UGT1A9: variants seen among roughly 807,000 people sequenced by gnomAD.
UGT1A9 encodes the protein UDP glucuronosyltransferase family 1 member A9.
UGT1A9 carries 35 observed loss-of-function variants against 45.0 expected under a neutral mutation model. The observed-to-expected ratio is 0.78, with a 90% CI of 0.59 to 1.03. UGT1A9 has a LOEUF of 1.03. Ranked by LOEUF, UGT1A9 falls within the 50% of genes least tolerant of loss-of-function variation. UGT1A9 has a pLI of 0.00. For synonymous variants in UGT1A9, 278 were observed against 250.6 expected (o/e 1.11, Z -1.03); for missense variants, 687 against 666.6 (o/e 1.03, Z -0.34).
At chr2:233,760,585 T>A (rs2125986328) in intron 1 of UGT1A9, 2 of 1,614,208 alleles carry the variant, frequency 1.2e-6, no homozygotes, top group Non-Finnish European at 8.5e-7. Flanking sequence ...GCATAATGTT[T>A]TTGAGAATGA....
At chr2:233,753,221 CTTCTTGTAT>C (rs979493311) in intron 1 of UGT1A9, 4 of 152,156 alleles carry the variant, frequency 2.6e-5, no homozygotes, top group African/African-American at 9.7e-5. Flanking sequence ...TATTTTGATA[CTTCTTGTAT>C]AGTTATTATT....
At chr2:233,697,865 T>C (rs944784384) in intron 1 of UGT1A9, among the ~76,000 whole-genome samples, 24 of 152,350 alleles carry the variant, frequency 1.6e-4, no homozygotes, top group African/African-American at 5.8e-4. Flanking sequence ...TATGCATTTA[T>C]TTAATGATTT....
rs145878694 is a variant in UGT1A9, at chr2:233,769,172, G to A, written c.1295+733G>A. On this transcript the variant is annotated intron_variant, in intron 4 of 4. Transcript: ENST00000354728. The surrounding 1 kb of genome is among the most constrained non-coding windows in gnomAD (Gnocchi z 4.4). ...GAACCTGTGAGAAATTTTGTCCATG[G>A]AGTTTATGAATGAAGGAGCTATAAG... Among the ~76,000 whole-genome samples the A allele has an allele frequency of 2.1e-4, 32 of 152,304 alleles. No homozygotes were observed. The East Asian group carries it at 5.0e-3, about 24-fold the overall frequency.
At chr2:233,747,632 C>T in intron 1 of UGT1A9, 1 of 1,580,404 alleles carries the variant, frequency 6.3e-7, no homozygotes, top group Non-Finnish European at 8.7e-7. Flanking sequence ...TGATCAGGCA[C>T]CTGAATGCTA....
intron 1 of UGT1A9, chr2:233,743,054 C>T (rs1031836290): frequency 1.9e-5 from 6 of 321,426 alleles, no homozygotes; most frequent in South Asian, 8.2e-5. Context: ...GTAGTCCCAA[C>T]GATAAGAACA....
chr2:233,699,358 T>C (rs184232584), intron 1 of UGT1A9, among the ~76,000 whole-genome samples: 40 of 152,340 alleles, frequency 2.6e-4, no homozygotes, highest in African/African-American at 8.9e-4. Context: ...CCTCTTTTCT[T>C]ATTGGTATGG....
At chr2:233,703,011 C>T (rs1035820538) in intron 1 of UGT1A9, among the ~76,000 whole-genome samples, 5 of 152,184 alleles carry the variant, frequency 3.3e-5, no homozygotes, top group African/African-American at 1.2e-4. Context: ...TGGGAACAGT[C>T]TGTCAAGAAT....
At chr2:233,680,123 A>C (rs1376799549) in intron 1 of UGT1A9, among the ~76,000 whole-genome samples, 1 of 152,096 alleles carries the variant, frequency 6.6e-6, no homozygotes, top group Non-Finnish European at 1.5e-5. Context: ...AATCTACGGT[A>C]CCTATCAAGT....
chr2:233,681,530 CAA>C (rs747693860), intron 1 of UGT1A9, among the ~76,000 whole-genome samples: 16,951 of 76,482 alleles, frequency 0.22, 767 homozygotes, highest in Non-Finnish European at 0.28. Context: ...GACTCCATCT[CAA>C]AAAAAAAAAA....
intron 1 of UGT1A9, among the ~76,000 whole-genome samples, chr2:233,677,329 A>G (rs1250093845): frequency 4.6e-5 from 7 of 152,118 alleles, no homozygotes; most frequent in African/African-American, 1.7e-4. Context: ...CATTGCTAGT[A>G]TAGTTGACCC....
intron 1 of UGT1A9, among the ~76,000 whole-genome samples, chr2:233,708,247 A>G (rs2076009794): frequency 6.6e-6 from 1 of 152,202 alleles, no homozygotes; most frequent in South Asian, 2.1e-4. Flanking sequence ...ATAAGTGTAC[A>G]CTTTCCTTCA....
At chr2:233,762,774 G>T (rs1698159939) in intron 1 of UGT1A9, among the ~76,000 whole-genome samples, 2 of 149,604 alleles carry the variant, frequency 1.3e-5, no homozygotes, top group Non-Finnish European at 1.5e-5. Flanking sequence ...TCTATCTCTA[G>T]CTGATTATCT....
At chr2:233,707,468 AT>A (rs896573991) in intron 1 of UGT1A9, among the ~76,000 whole-genome samples, 1 of 150,994 alleles carries the variant, frequency 6.6e-6, no homozygotes, top group African/African-American at 2.4e-5. Flanking sequence ...GCATCTGTAA[AT>A]AATACAGATG....
intron 1 of UGT1A9, among the ~76,000 whole-genome samples, chr2:233,745,892 C>T (rs573273105): frequency 7.3e-5 from 11 of 150,844 alleles, no homozygotes; most frequent in East Asian, 2.0e-4. Context: ...GGTGGGGTGG[C>T]GTTTTTCAGG....
chr2:233,684,327 C>T (rs1050842248), intron 1 of UGT1A9, among the ~76,000 whole-genome samples: 10 of 152,156 alleles, frequency 6.6e-5, no homozygotes, highest in Admixed American at 3.9e-4. Context: ...AGTTGTAGGA[C>T]GCTAAGAGGA....
Position 233,772,460 on chromosome 2 carries a change from A to C in UGT1A9, c.1494A>C (p.Thr498=), listed in dbSNP as rs1435465707. Residue 498 remains threonine (T), a synonymous_variant, in exon 5 of 5, where the codon ACA becomes ACC. Transcript: ENST00000354728. The part of the protein sequence containing the change: ...VIGFLLAVVL[T]VAFITFKCCA... Reference sequence around the variant, plus strand: ...GTTTCCTCTTGGCCGTCGTGCTGACAGTGGCCTTCATCACCTTTAAATGTT... The same window carrying C: ...GTTTCCTCTTGGCCGTCGTGCTGACCGTGGCCTTCATCACCTTTAAATGTT... 6.2e-7 allele frequency: 1 copy of C among 1,614,184 alleles called. No individual in the cohort carries two copies. Among genetic ancestry groups the C allele is most frequent in the Non-Finnish European group, 8.5e-7 (1 of 1,180,034 alleles).
At chr2:233,721,058 T>A (rs1412499467) in intron 1 of UGT1A9, among the ~76,000 whole-genome samples, 2 of 152,122 alleles carry the variant, frequency 1.3e-5, no homozygotes, top group African/African-American at 4.8e-5. Flanking sequence ...TTTGTCATAT[T>A]CACTGAATTT....
At chr2:233,699,828 A>C (rs1331199785) in intron 1 of UGT1A9, among the ~76,000 whole-genome samples, 1 of 152,230 alleles carries the variant, frequency 6.6e-6, no homozygotes, top group Non-Finnish European at 1.5e-5. Context: ...GTTCTCAAAT[A>C]GAACTAATTT....
rs771914713 is a variant in UGT1A9, at chr2:233,672,067, G to A, written c.133G>A (p.Val45Met). Residue 45 changes from valine to methionine, a missense_variant, in exon 1 of 5, where the codon GTG (valine) becomes ATG (methionine). By Grantham distance (21) the Val-to-Met change is conservative. Transcript: ENST00000354728. ...CCACTGGTTCACCATGAGGTCGGTGGTGGAGAAACTCATTCTCAGGGGGCA... is the reference window on the plus strand; with the variant it reads ...CCACTGGTTCACCATGAGGTCGGTGATGGAGAAACTCATTCTCAGGGGGCA... ...GSHWFTMRSV[V>M]EKLILRGHEV... 1 of 1,614,048 alleles carries A rather than the reference G, an allele frequency of 6.2e-7. No homozygotes were observed. The highest frequency in any genetic ancestry group is 1.3e-5 in the African/African-American group (1 of 74,926).
Sources: allele counts gnomAD v4.1 joint callset (sites outside exome capture counted in the v4.1 genomes callset), GRCh38; gene constraint gnomAD v4.1.1; non-coding constraint Gnocchi (gnomAD v3.1); transcripts MANE v1.5; gene names NCBI Gene and HGNC (gene_info 2026-07-23, HGNC 2026-07-21).